ULK1: variants seen among roughly 807,000 people sequenced by gnomAD.
ULK1 encodes unc-51 like autophagy activating kinase 1.
Under a neutral mutation model 117.5 loss-of-function variants are expected in ULK1, and 48 were observed. The observed-to-expected ratio is 0.41, with a 90% CI of 0.32 to 0.52. The LOEUF (loss-of-function observed/expected upper bound fraction) is 0.52. ULK1 is among the 20% of genes least tolerant of loss of function. ULK1 has a pLI of 0.29. For missense variants in ULK1, 1,387 were observed against 1,473.4 expected (o/e 0.94, Z 0.96); for synonymous variants, 790 against 637.8 (o/e 1.24, Z -3.60).
intron 26 of ULK1, 177 bp from the exon 27 acceptor site, chr12:131,920,923 C>G: frequency 1.1e-6 from 1 of 874,894 alleles, no homozygotes; most frequent in Non-Finnish European, 1.7e-6. Flanking sequence ...GCAGTGTCTC[C>G]CCTTGGCCCT....
intron 22 of ULK1, chr12:131,918,267 C>G (rs1234655930): frequency 6.7e-6 from 4 of 594,230 alleles, no homozygotes; most frequent in African/African-American, 1.9e-5. Context: ...CACCGCAGCC[C>G]TTGGCCTGAG....
Position 131,918,626 on chromosome 12 carries a change from T to G in ULK1, c.2456T>G (p.Leu819Arg), listed in dbSNP as rs909496996. 18 of 1,609,890 alleles carry G rather than the reference T, an allele frequency of 1.1e-5. No individual in the cohort carries two copies. The highest frequency in any genetic ancestry group is 1.5e-5 in the Non-Finnish European group (18 of 1,178,716). ...TTTGCCGACCCCATTACTGCGAACC[T>G]GGAGGGGGCTGTGACCTTCGAGGCC... ...CSFADPITAN[L>R]EGAVTFEAPD... Residue 819 changes from leucine (L) to arginine (R), a missense_variant, in exon 23 of 28, where the codon CTG (leucine) becomes CGG (arginine). This residue lies in a region of ULK1 where 900 missense variants were observed against 858.9 expected (regional missense o/e 1.05). Transcript: ENST00000321867.
At chr12:131,919,922 C>G (rs1326432850) in intron 25 of ULK1, 57 bp from the exon 26 acceptor site, 6 of 1,586,290 alleles carry the variant, frequency 3.8e-6, no homozygotes, top group Non-Finnish European at 5.2e-6. Flanking sequence ...ATCATGGCCA[C>G]TCCAGCCCTG....
chr12:131,905,957 G>A (rs749720593), intron 3 of ULK1, among the ~76,000 whole-genome samples: 2 of 152,234 alleles, frequency 1.3e-5, no homozygotes, highest in South Asian at 2.1e-4. Flanking sequence ...GCCCAGCAGC[G>A]GAGGGGGTGG....
chr12:131,920,724 T>C (rs143816149), intron 26 of ULK1: 1 of 245,496 alleles, frequency 4.1e-6, no homozygotes, highest in Non-Finnish European at 7.9e-6. Flanking sequence ...CTGAGTCTCC[T>C]TTTTTAAGAA....
At position 131,915,974 on chromosome 12, in the gene ULK1, G is replaced by A. The variant is rs770827887; in HGVS notation, c.1693G>A (p.Val565Ile). The A allele has an allele frequency of 3.1e-6, 5 of 1,612,416 alleles. No individual in the cohort carries two copies. Among genetic ancestry groups the A allele is most frequent in the African/African-American group, 2.7e-5 (2 of 74,974 alleles). ...CGCCCCCAACCTGTCTGACTTGCACGTCGTCCGCCCCAAGCTGCCCAAACC... is the reference window on the plus strand; with the variant it reads ...CGCCCCCAACCTGTCTGACTTGCACATCGTCCGCCCCAAGCTGCCCAAACC... ...HSAPNLSDLH[V>I]VRPKLPKPPT... is the part of the protein sequence containing the mutation. The change falls in exon 19 of 28, where the codon GTC (valine) becomes ATC (isoleucine). Residue 565 changes from valine (V) to isoleucine (I), a missense_variant. By Grantham distance (29) the Val-to-Ile change is conservative (BLOSUM62 3). Transcript: ENST00000321867.
At position 131,913,325 on chromosome 12, in the gene ULK1, T is replaced by C. The variant is rs1027653576; in HGVS notation, c.1157+67T>C. The C allele has an allele frequency of 4.2e-6, 6 of 1,436,428 alleles. No homozygotes were observed. The Admixed American group carries it at 7.9e-5, about 19-fold the overall frequency. The allele number at this position is 1,436,428 out of a possible 1,614,324, so 89.0% of individuals were successfully genotyped here. ...ACTGTGGCCTTGGAAGTGGCCCGTG[T>C]TATTTACAATGAGCCGAGATCGCGC... On this transcript the variant is annotated intron_variant, in intron 14 of 27. Coordinates refer to ENST00000321867, the MANE Select transcript of ULK1 (RefSeq NM_003565.4).
At position 131,921,505 on chromosome 12, in the gene ULK1, G is replaced by A. The variant is rs1222235959; in HGVS notation, c.*144G>A. 30 of 1,270,408 alleles carry A rather than the reference G, an allele frequency of 2.4e-5. No homozygotes were observed. Among genetic ancestry groups the A allele is most frequent in the Non-Finnish European group, 2.8e-5 (25 of 899,526 alleles). The allele number at this position is 1,270,408 out of a possible 1,614,324, so 78.7% of individuals were successfully genotyped here. A position where few individuals can be genotyped will look rare whatever the true frequency, so the allele number is the denominator to read the frequency against. On this transcript the variant is annotated 3_prime_UTR_variant, in exon 28 of 28. Transcript: ENST00000321867. The stretch of plus-strand genomic sequence containing the variant: ...GGGCCCCACGGACAGTCAGCCTGCC[G>A]GCCTCCCTGCAGCTCACGGGGCAGA...
chr12:131,922,454 AGT>A lies in ULK1; in HGVS notation c.*1094_*1095del. ...CAAAAGCTCCCCGTCCAGCTTTGAC[AGT>A]CAGTTTTGATGTCAGCTCCTCGGCA... is the stretch of plus-strand genomic sequence containing the variant. On this transcript the variant is annotated 3_prime_UTR_variant, in exon 28 of 28. Coordinates refer to ENST00000321867, the MANE Select transcript of ULK1 (RefSeq NM_003565.4). The A allele has an allele frequency of 3.8e-5, 7 of 183,638 alleles. No individual in the cohort carries two copies. In the South Asian group the frequency reaches 4.7e-4, roughly 12 times the overall value. The allele number at this position is 183,638 out of a possible 1,614,324, so 11.4% of individuals were successfully genotyped here. A position where few individuals can be genotyped will look rare whatever the true frequency, so the allele number is the denominator to read the frequency against.
intron 25 of ULK1, 179 bp from the exon 26 acceptor site, chr12:131,919,800 G>A (rs753112969): frequency 9.4e-7 from 1 of 1,066,022 alleles, no homozygotes; most frequent in Non-Finnish European, 1.3e-6. Flanking sequence ...AGAGGCCGTG[G>A]GGTCGGATGG....
Position 131,921,418 on chromosome 12 carries a change from G to A in ULK1, c.*57G>A, listed in dbSNP as rs886137847. 5.6e-6 allele frequency: 9 copies of A among 1,596,654 alleles called. No individual in the cohort carries two copies. The highest frequency in any genetic ancestry group is 7.6e-6 in the Non-Finnish European group (9 of 1,178,270). On this transcript the variant is annotated 3_prime_UTR_variant, in exon 28 of 28. Transcript: ENST00000321867. Reference sequence around the variant, plus strand: ...CCGAGCCCTGCAGAGTGGGCTCTGTGTGCTGGCTGGACTCCTCGGGACAAG... The same window carrying A: ...CCGAGCCCTGCAGAGTGGGCTCTGTATGCTGGCTGGACTCCTCGGGACAAG...
intron 3 of ULK1, among the ~76,000 whole-genome samples, chr12:131,900,076 C>T (rs978561699): frequency 5.5e-5 from 8 of 146,384 alleles, no homozygotes; most frequent in African/African-American, 2.0e-4. Flanking sequence ...GAGATTGCGC[C>T]GCTGCACTCC....
chr12:131,912,683 C>T (rs1193360349), intron 13 of ULK1, among the ~76,000 whole-genome samples: 1 of 152,272 alleles, frequency 6.6e-6, no homozygotes, highest in South Asian at 2.1e-4. Flanking sequence ...CTCCCATCAG[C>T]ATGGCTTCTG....
intron 14 of ULK1, 64 bp downstream of exon 14, chr12:131,913,322 G>C (rs375800366): frequency 4.8e-6 from 7 of 1,445,256 alleles, no homozygotes; most frequent in Middle Eastern, 1.8e-4. Context: ...GAAGTGGCCC[G>C]TGTTATTTAC....
rs763118412 is a variant in ULK1 at position 131,908,629 on chromosome 12, C to T, written c.317-15C>T. The T allele has an allele frequency of 2.0e-5, 30 of 1,475,140 alleles. No individual in the cohort carries two copies. Among genetic ancestry groups the T allele is most frequent in the Non-Finnish European group, 2.5e-5 (28 of 1,119,118 alleles). 91.4% of individuals were successfully genotyped at this position (1,475,140 alleles called of 1,614,324 possible). On this transcript the variant is annotated splice_polypyrimidine_tract_variant and intron_variant, in intron 5 of 27. Coordinates refer to ENST00000321867, the MANE Select transcript of ULK1 (RefSeq NM_003565.4). ...GAAACACGGCCCCCAGGCCCTGAGC[C>T]GCCTCTCCCCGCAGCCATGCGCACG...
chr12:131,912,279 GCCGGGT>G (rs1889573441), intron 13 of ULK1, among the ~76,000 whole-genome samples, 190 bp downstream of exon 13: 1 of 152,202 alleles, frequency 6.6e-6, no homozygotes, highest in African/African-American at 2.4e-5. Context: ...TGGAATCAAA[GCCGGGT>G]CCTCCTAGTG....
At chr12:131,899,071 T>C (rs912605647) in intron 3 of ULK1, among the ~76,000 whole-genome samples, 1 of 149,578 alleles carries the variant, frequency 6.7e-6, no homozygotes, top group Non-Finnish European at 1.5e-5. Context: ...ATTTATACAA[T>C]TTTCGCCACA....
rs754705048 is a variant in ULK1 at position 131,917,069 on chromosome 12, GGGT to G, written c.2182+10_2182+12del. On this transcript the variant is annotated splice_region_variant and intron_variant, in intron 21 of 27. Transcript: ENST00000321867. Reference sequence around the variant, plus strand: ...GAGAAGCCCATGGAGATCGGTGTGTGGGTGGGTGGGGCTCGGAGGCTGTGGGAT... The same window carrying G: ...GAGAAGCCCATGGAGATCGGTGTGTGGGGTGGGGCTCGGAGGCTGTGGGAT... 6 of 1,408,748 alleles carry G rather than the reference GGGT, an allele frequency of 4.3e-6. No homozygotes were observed. The highest frequency in any genetic ancestry group is 2.1e-5 in the Admixed American group (1 of 48,420). The allele number at this position is 1,408,748 out of a possible 1,614,324, so 87.3% of individuals were successfully genotyped here. A position where few individuals can be genotyped will look rare whatever the true frequency, so the allele number is the denominator to read the frequency against.
intron 4 of ULK1, 110 bp from the exon 5 acceptor site, chr12:131,907,385 C>G (rs1250837074): frequency 7.1e-7 from 1 of 1,414,624 alleles, no homozygotes; most frequent in Non-Finnish European, 9.6e-7. Context: ...GGGCAGGTGC[C>G]TGCGGGCTCA....
Sources: gnomAD v4.1 joint callset for allele counts (sites outside exome capture counted in the v4.1 genomes callset) on GRCh38, gnomAD v4.1.1 for gene constraint, gnomAD v4.1.1 regional missense constraint, MANE v1.5 for transcripts, NCBI Gene and HGNC (gene_info 2026-07-23, HGNC 2026-07-21) for gene names.